Variants in ANO1 observed in about 807,000 individuals in gnomAD.
ANO1 encodes the protein anoctamin 1.
ANO1 carries 59 observed loss-of-function variants against 124.0 expected under a neutral mutation model. The observed-to-expected ratio is 0.48, with a 90% CI of 0.39 to 0.59. ANO1 has a LOEUF of 0.59. Ranked by LOEUF, ANO1 falls within the 20% of genes least tolerant of loss-of-function variation. The pLI is 0.00. For missense variants in ANO1, 1,059 were observed against 1,328.0 expected, an observed-to-expected ratio of 0.80 and a Z score of 3.15; for synonymous variants, 529 against 532.0, an observed-to-expected ratio of 0.99 and a Z score of 0.08.
At chr11:70,167,017 T>A (rs929731530) in intron 20 of ANO1, among the ~76,000 whole-genome samples, 1 of 152,022 alleles carries the variant, frequency 6.6e-6, no homozygotes. Context: ...CGTGGCAGCA[T>A]GTGCCTATAG....
the ANO1 span, among the ~76,000 whole-genome samples, chr11:69,975,770 C>T: frequency 1.3e-5 from 2 of 152,256 alleles, no homozygotes; most frequent in Non-Finnish European, 2.9e-5. Context: ...AACCTGTCAC[C>T]ACCTGGCAGG....
chr11:70,152,364 C>T (rs12807936), intron 12 of ANO1, 86 bp from the exon 13 acceptor site: 240,634 of 983,390 alleles, frequency 0.24, 31,914 homozygotes, highest in Middle Eastern at 0.36. Flanking sequence ...AAAAGTTGTC[C>T]TTAGTGGACA....
At chr11:69,977,614 G>C in the ANO1 span, among the ~76,000 whole-genome samples, 3 of 152,238 alleles carry the variant, frequency 2.0e-5, no homozygotes, top group African/African-American at 7.2e-5. Flanking sequence ...CCTTCCCTGA[G>C]TGAGAGATCC....
chr11:69,991,481 T>G (rs1288858716), intron 1 of ANO1, among the ~76,000 whole-genome samples: 1 of 152,156 alleles, frequency 6.6e-6, no homozygotes, highest in Non-Finnish European at 1.5e-5. Context: ...TGTGACCAAA[T>G]GCAAAGGCTG....
Position 70,161,991 on chromosome 11 carries a change from G to A in ANO1, c.1892+258G>A, listed in dbSNP as rs1196419882. ...AGTGAGGACCGGGGAGTGAGGACCC[G>A]GGAGTGAGGGCCCTGGGCAGTGAGG... is the stretch of plus-strand genomic sequence containing the variant. On this transcript the variant is annotated intron_variant, in intron 18 of 25. Transcript: ENST00000355303. Among the ~76,000 whole-genome samples the A allele has an allele frequency of 4.7e-5, 7 of 149,406 alleles. No homozygotes were observed. The East Asian group carries it at 8.3e-4, about 18-fold the overall frequency.
intron 1 of ANO1, chr11:70,085,775 C>T (rs1376971628): frequency 1.5e-5 from 20 of 1,324,812 alleles, no homozygotes; most frequent in Non-Finnish European, 2.0e-5. Context: ...CCCCTCTCCC[C>T]CACTGCAGTG....
At chr11:69,985,560 G>T (rs1046189683), upstream of ANO1, among the ~76,000 whole-genome samples, 21 of 152,180 alleles carry the variant, frequency 1.4e-4, no homozygotes, top group Non-Finnish European at 2.2e-4. Context: ...CCAGGGCTGC[G>T]CCCGTCTCTC....
chr11:70,108,823 G>T (rs2515249), intron 6 of ANO1, among the ~76,000 whole-genome samples: 90,055 of 152,118 alleles, frequency 0.59, 26,910 homozygotes, highest in East Asian at 0.67. Flanking sequence ...AGCTGGGCTT[G>T]CTGAAAGCAG....
chr11:70,169,447 C>G (rs2048373197), intron 21 of ANO1, among the ~76,000 whole-genome samples: 1 of 151,130 alleles, frequency 6.6e-6, no homozygotes, highest in Non-Finnish European at 1.5e-5. Flanking sequence ...CCCCACCTCC[C>G]CGCCCCCCTG....
At chr11:70,041,509 C>T (rs1555005046) in intron 1 of ANO1, among the ~76,000 whole-genome samples, 1 of 152,152 alleles carries the variant, frequency 6.6e-6, no homozygotes, top group Non-Finnish European at 1.5e-5. Context: ...GTTTAAATTG[C>T]CACATTTCAT....
intron 1 of ANO1, among the ~76,000 whole-genome samples, chr11:69,996,561 G>T (rs1275341377): frequency 6.6e-6 from 1 of 152,156 alleles, no homozygotes; most frequent in Non-Finnish European, 1.5e-5. Flanking sequence ...CTAATGAATG[G>T]CCTGCATTTC....
intron 13 of ANO1, among the ~76,000 whole-genome samples, chr11:70,152,856 C>T (rs1300973682): frequency 1.3e-5 from 2 of 152,374 alleles, no homozygotes; most frequent in East Asian, 3.9e-4. Context: ...GGCTGGGGTT[C>T]CCCACAAGCG....
chr11:70,070,948 C>A (rs550381683), intron 1 of ANO1, among the ~76,000 whole-genome samples: 2 of 152,294 alleles, frequency 1.3e-5, no homozygotes, highest in South Asian at 2.1e-4. Context: ...CGCTGCCAGC[C>A]CCTGCCTCAG....
At chr11:69,992,042 T>G (rs1994776) in intron 1 of ANO1, among the ~76,000 whole-genome samples, 1 of 152,066 alleles carries the variant, frequency 6.6e-6, no homozygotes, top group African/African-American at 2.4e-5. Flanking sequence ...TGGACTTGGT[T>G]TACTTGGTGG....
intron 10 of ANO1, among the ~76,000 whole-genome samples, chr11:70,130,974 C>T (rs1269011902): frequency 1.3e-5 from 2 of 152,248 alleles, no homozygotes; most frequent in African/African-American, 2.4e-5. Flanking sequence ...GTGAACCGCT[C>T]ATAGACGGCG....
the ANO1 span, among the ~76,000 whole-genome samples, chr11:69,968,587 A>G: frequency 2.0e-5 from 3 of 152,210 alleles, no homozygotes; most frequent in African/African-American, 7.2e-5. Context: ...CTGAACTGAG[A>G]TTGTTCGAGG....
intron 1 of ANO1, among the ~76,000 whole-genome samples, chr11:70,060,799 G>A (rs1213648494): frequency 6.6e-6 from 1 of 152,178 alleles, no homozygotes; most frequent in Non-Finnish European, 1.5e-5. Flanking sequence ...TGGGTCCTGT[G>A]TGAGGGCTCC....
intron 22 of ANO1, among the ~76,000 whole-genome samples, chr11:70,172,132 A>AAAGAAAG (rs1555052151): frequency 7.1e-6 from 1 of 141,576 alleles, no homozygotes; most frequent in Non-Finnish European, 1.5e-5. Context: ...AAAAAAAAAA[A>AAAGAAAG]AAAAGAAAAG....
chr11:70,015,964 A>C (rs1856695714), intron 1 of ANO1: 3 of 152,272 alleles, frequency 2.0e-5, no homozygotes. Flanking sequence ...TAGACCTTAC[A>C]GCAACAGGGG....
Sources: allele counts gnomAD v4.1 joint callset (sites outside exome capture counted in the v4.1 genomes callset), GRCh38; gene constraint gnomAD v4.1.1; transcripts MANE v1.5; gene names NCBI Gene and HGNC (gene_info 2026-07-23, HGNC 2026-07-21).